ZNF385D: variants seen among roughly 807,000 people sequenced by gnomAD.
The protein encoded by ZNF385D is zinc finger protein 659.
Under a neutral mutation model 35.8 loss-of-function variants are expected in ZNF385D, and 15 were observed. The observed-to-expected ratio is 0.42, with a 90% CI of 0.28 to 0.64. ZNF385D has a LOEUF of 0.64. Ranked by LOEUF, ZNF385D falls within the 30% of genes least tolerant of loss-of-function variation. The pLI is 0.23. For synonymous variants in ZNF385D, 212 were observed against 186.8 expected (o/e 1.13, Z -1.10); for missense variants, 474 against 494.6 (o/e 0.96, Z 0.39).
At chr3:21,800,746 T>G (rs1007419864) in intron 3 of ZNF385D, among the ~76,000 whole-genome samples, 1 of 152,186 alleles carries the variant, frequency 6.6e-6, no homozygotes, top group South Asian at 2.1e-4. Context: ...CTTTTGTTTG[T>G]TGATCTTGTT....
intron 2 of ZNF385D, among the ~76,000 whole-genome samples, chr3:22,236,890 T>C (rs1054753245): frequency 4.6e-5 from 7 of 152,216 alleles, no homozygotes; most frequent in African/African-American, 1.7e-4. Flanking sequence ...TTGAATAATA[T>C]TCTATTGCAT....
At chr3:21,810,942 TCACA>T (rs147772773) in intron 3 of ZNF385D, among the ~76,000 whole-genome samples, 2 of 146,834 alleles carry the variant, frequency 1.4e-5, no homozygotes, top group African/African-American at 5.0e-5. Context: ...ACACAGCACA[TCACA>T]CACACACACA....
At chr3:22,322,971 CTGTTT>C (rs1306828839) in intron 2 of ZNF385D, among the ~76,000 whole-genome samples, 1 of 152,100 alleles carries the variant, frequency 6.6e-6, no homozygotes, top group Non-Finnish European at 1.5e-5. Flanking sequence ...TTTTATTGTT[CTGTTT>C]TGTCTCTTTG....
intron 3 of ZNF385D, among the ~76,000 whole-genome samples, chr3:21,769,455 G>A (rs565875575): frequency 7.8e-6 from 1 of 127,686 alleles, no homozygotes; most frequent in African/African-American, 3.2e-5. Flanking sequence ...ACACACAAGA[G>A]AGCCAAATCA....
At chr3:21,928,042 A>G (rs1365163644) in intron 3 of ZNF385D, among the ~76,000 whole-genome samples, 1 of 151,986 alleles carries the variant, frequency 6.6e-6, no homozygotes, top group Non-Finnish European at 1.5e-5. Flanking sequence ...CAGGCAACAG[A>G]GCAAGACTCG....
intron 2 of ZNF385D, among the ~76,000 whole-genome samples, chr3:22,369,169 C>A (rs1354213658): frequency 6.6e-6 from 1 of 152,166 alleles, no homozygotes; most frequent in Non-Finnish European, 1.5e-5. Context: ...ATATTAGTTT[C>A]TTCAATCTGG....
At chr3:22,224,713 T>C (rs1698453803) in intron 2 of ZNF385D, among the ~76,000 whole-genome samples, 1 of 152,156 alleles carries the variant, frequency 6.6e-6, no homozygotes. Flanking sequence ...CCTATTAAAG[T>C]GATCCCATCA....
rs554486665 is a variant in ZNF385D, at chr3:22,087,254, A to G, written c.325+81563T>C. On this transcript the variant is annotated intron_variant, in intron 3 of 5. Transcript: ENST00000494108. Reference sequence around the variant, plus strand: ...TTTTTTTTTCACTGTGGCCACATCTATAAAATAGGCATTTGACAGAATGTT... The same window carrying G: ...TTTTTTTTTCACTGTGGCCACATCTGTAAAATAGGCATTTGACAGAATGTT... Among the ~76,000 whole-genome samples, 3 of 152,166 alleles carry G rather than the reference A, an allele frequency of 2.0e-5. No homozygotes were observed. In the East Asian group the frequency reaches 5.8e-4, roughly 29 times the overall value.
intron 3 of ZNF385D, among the ~76,000 whole-genome samples, chr3:21,899,631 C>T (rs1217173981): frequency 6.6e-6 from 1 of 152,052 alleles, no homozygotes; most frequent in African/African-American, 2.4e-5. Context: ...ACATTAGACA[C>T]CTAACTGAAC....
intron 3 of ZNF385D, among the ~76,000 whole-genome samples, chr3:22,122,784 A>T (rs2125668827): frequency 6.6e-6 from 1 of 152,316 alleles, no homozygotes; most frequent in Non-Finnish European, 1.5e-5. Context: ...GAAATGAGTC[A>T]TGCATGCAGT....
intron 3 of ZNF385D, among the ~76,000 whole-genome samples, chr3:21,907,881 G>A (rs1699759471): frequency 6.6e-6 from 1 of 152,076 alleles, no homozygotes; most frequent in Non-Finnish European, 1.5e-5. Flanking sequence ...ACTGAGGGAA[G>A]CCAAGGGTAA....
chr3:22,139,621 G>T (rs1348874819), intron 3 of ZNF385D, among the ~76,000 whole-genome samples: 2 of 151,986 alleles, frequency 1.3e-5, no homozygotes, highest in African/African-American at 2.4e-5. Context: ...GTTGTGGGGT[G>T]GGGGGAGGAG....
At chr3:21,730,067 C>T (rs925031142) in intron 1 of ZNF385D, among the ~76,000 whole-genome samples, 3 of 152,178 alleles carry the variant, frequency 2.0e-5, no homozygotes, top group Admixed American at 1.3e-4. Flanking sequence ...ATACAAACTA[C>T]ACACATTATC....
chr3:22,310,536 G>T (rs561775890), intron 2 of ZNF385D, among the ~76,000 whole-genome samples: 2 of 152,004 alleles, frequency 1.3e-5, no homozygotes, highest in Admixed American at 1.3e-4. Flanking sequence ...TGGTTTCATT[G>T]CTGGTTAGTT....
At chr3:21,884,104 T>C (rs1698415856) in intron 3 of ZNF385D, among the ~76,000 whole-genome samples, 2 of 152,014 alleles carry the variant, frequency 1.3e-5, no homozygotes, top group African/African-American at 4.8e-5. Context: ...ATAAGACATA[T>C]CTGATTGCTT....
chr3:21,723,453 C>T (rs1321096489), intron 1 of ZNF385D, among the ~76,000 whole-genome samples: 1 of 152,128 alleles, frequency 6.6e-6, no homozygotes, highest in Non-Finnish European at 1.5e-5. Flanking sequence ...TAGAGAAGAA[C>T]ATAAATGACC....
chr3:22,213,734 G>T (rs1183942760), intron 2 of ZNF385D, among the ~76,000 whole-genome samples: 1 of 151,974 alleles, frequency 6.6e-6, no homozygotes, highest in Non-Finnish European at 1.5e-5. Flanking sequence ...ACCAAATTCT[G>T]TTCCTCAGTA....
intron 2 of ZNF385D, among the ~76,000 whole-genome samples, chr3:22,313,723 G>A (rs1174989374): frequency 2.0e-5 from 3 of 152,048 alleles, no homozygotes; most frequent in Non-Finnish European, 2.9e-5. Flanking sequence ...TATCCTCAAC[G>A]GCTGTTACTA....
At chr3:21,627,284 T>A (rs192261626) in intron 2 of ZNF385D, among the ~76,000 whole-genome samples, 10 of 149,912 alleles carry the variant, frequency 6.7e-5, no homozygotes, top group African/African-American at 2.4e-4. Context: ...TGTGTGTGTG[T>A]GTGAATTACT....
Sources: allele counts gnomAD v4.1 joint callset (sites outside exome capture counted in the v4.1 genomes callset), GRCh38; gene constraint gnomAD v4.1.1; transcripts MANE v1.5; gene names NCBI Gene and HGNC (gene_info 2026-07-23, HGNC 2026-07-21).